ZEB1: variants seen among roughly 807,000 people sequenced by gnomAD.
ZEB1 encodes the protein zinc finger E-box-binding homeobox 1.
A neutral mutation model predicts 84.9 loss-of-function variants in ZEB1; 21 were observed. That is an observed-to-expected ratio of 0.25 (90% CI 0.18 to 0.36). The LOEUF (loss-of-function observed/expected upper bound fraction) is 0.36, where lower values mean the gene tolerates loss of function less well. ZEB1 is among the 10% of genes least tolerant of loss of function. The probability of loss-of-function intolerance (pLI) is 1.00; values close to 1 mark genes in which losing one functional copy is unlikely to be tolerated. For synonymous variants in ZEB1, 420 were observed against 471.1 expected (o/e 0.89, Z 1.41); for missense variants, 1,104 against 1,330.2 (o/e 0.83, Z 2.65).
At chr10:31,427,605 G>A (rs527451350) in intron 1 of ZEB1, among the ~76,000 whole-genome samples, 1 of 152,114 alleles carries the variant, frequency 6.6e-6, no homozygotes. Context: ...TGTAATCCCA[G>A]CACTTTGGGA....
At chr10:31,497,605 T>C (rs1417381668) in intron 3 of ZEB1, among the ~76,000 whole-genome samples, 1 of 152,184 alleles carries the variant, frequency 6.6e-6, no homozygotes, top group Non-Finnish European at 1.5e-5. Context: ...TAAAATGATG[T>C]CCTGCCTTTG....
At chr10:31,358,553 A>G (rs893326657) in intron 1 of ZEB1, 12 of 152,180 alleles carry the variant, frequency 7.9e-5, no homozygotes, top group African/African-American at 2.4e-4. Context: ...ATTACTTTTA[A>G]AAAGTATATT....
rs573220826 is a variant in ZEB1, at chr10:31,501,941, A to G, written c.323-407A>G. 3.3e-5 allele frequency among the ~76,000 whole-genome samples: 5 copies of G among 152,280 alleles called. No individual in the cohort carries two copies. In the South Asian group the frequency reaches 6.2e-4, roughly 19 times the overall value. Reference sequence around the variant, plus strand: ...TGAAGCCACAGATAAGGGGCTGTCTATTGTCCAACTTTAAATAAGTATTAT... The same window carrying G: ...TGAAGCCACAGATAAGGGGCTGTCTGTTGTCCAACTTTAAATAAGTATTAT... On this transcript the variant is annotated intron_variant, in intron 3 of 8. Coordinates refer to ENST00000424869, the MANE Select transcript of ZEB1 (RefSeq NM_001174096.2).
chr10:31,521,630 A>G lies in ZEB1; in HGVS notation c.2298A>G (p.Glu766=), dbSNP rs2072399572. 6.2e-7 allele frequency: 1 copy of G among 1,614,156 alleles called. No homozygotes were observed. Among genetic ancestry groups the G allele is most frequent in the Non-Finnish European group, 8.5e-7 (1 of 1,180,022 alleles). The change falls in exon 7 of 9, where the codon GAA becomes GAG. Residue 766 remains glutamate (E), a synonymous_variant. Transcript: ENST00000424869. ...AGAACAGTGTTTATTCTGTCCAGGA[A>G]GAACCCTTGAACTTGTCTTGCGCAA... ...VYQNSVYSVQ[E]EPLNLSCAKK...
chr10:31,444,112 G>C (rs962738313), intron 1 of ZEB1, among the ~76,000 whole-genome samples: 1 of 151,242 alleles, frequency 6.6e-6, no homozygotes. Context: ...ATTCTAACTG[G>C]TGTGAGATGG....
intron 1 of ZEB1, chr10:31,361,105 G>T: frequency 6.2e-7 from 1 of 1,611,962 alleles, no homozygotes; most frequent in Non-Finnish European, 8.5e-7. Flanking sequence ...AGAACGATCT[G>T]ATCTTACAGT....
intron 6 of ZEB1, among the ~76,000 whole-genome samples, chr10:31,516,482 C>T (rs1268260404): frequency 8.1e-6 from 1 of 123,038 alleles, no homozygotes; most frequent in Non-Finnish European, 1.6e-5. Flanking sequence ...ACAAATTAAG[C>T]TCTAAGGTTT....
chr10:31,331,728 A>C (rs1359331838), intron 1 of ZEB1, among the ~76,000 whole-genome samples: 1 of 152,216 alleles, frequency 6.6e-6, no homozygotes, highest in African/African-American at 2.4e-5. Flanking sequence ...ATAATATTCC[A>C]TACAGGGGGA....
At position 31,527,049 on chromosome 10, in the gene ZEB1, A is replaced by G; in HGVS notation, c.3163A>G (p.Lys1055Glu). The change falls in exon 9 of 9, where the codon AAA becomes GAA. Residue 1055 changes from lysine to glutamate, a missense_variant. Coordinates refer to ENST00000424869, the MANE Select transcript of ZEB1 (RefSeq NM_001174096.2). ...AGAGATGGAAGAATTGCAGGAAGAAAAAGAATGTGAAAAACCACAAGGGGA... is the reference window on the plus strand; with the variant it reads ...AGAGATGGAAGAATTGCAGGAAGAAGAAGAATGTGAAAAACCACAAGGGGA... ...DKEMEELQEE[K>E]ECEKPQGDEE... 6.3e-7 allele frequency: 1 copy of G among 1,584,534 alleles called. No homozygotes were observed. The highest frequency in any genetic ancestry group is 8.6e-7 in the Non-Finnish European group (1 of 1,163,558).
chr10:31,402,106 G>C (rs1418870057), intron 1 of ZEB1, among the ~76,000 whole-genome samples: 3 of 150,870 alleles, frequency 2.0e-5, no homozygotes, highest in Non-Finnish European at 4.4e-5. Context: ...TGTTGTTGTT[G>C]TTGCTGTTGT....
At chr10:31,349,394 A>G (rs1590175841) in intron 1 of ZEB1, among the ~76,000 whole-genome samples, 2 of 152,152 alleles carry the variant, frequency 1.3e-5, no homozygotes, top group East Asian at 3.8e-4. Flanking sequence ...GAGTACAGAT[A>G]CCTCATCAAC....
At chr10:31,428,240 C>T (rs1253757979) in intron 1 of ZEB1, among the ~76,000 whole-genome samples, 1 of 152,088 alleles carries the variant, frequency 6.6e-6, no homozygotes, top group Non-Finnish European at 1.5e-5. Context: ...TTAGCTGTGT[C>T]CCAGAGATTC....
chr10:31,366,356 G>A (rs1387615783), intron 1 of ZEB1, among the ~76,000 whole-genome samples: 1 of 152,092 alleles, frequency 6.6e-6, no homozygotes, highest in African/African-American at 2.4e-5. Context: ...GTCTTGCTGT[G>A]TCACGCAGGC....
chr10:31,410,060 T>C (rs1318421616), intron 1 of ZEB1, among the ~76,000 whole-genome samples: 1 of 152,200 alleles, frequency 6.6e-6, no homozygotes, highest in Non-Finnish European at 1.5e-5. Context: ...ATAGGAGTGG[T>C]GAGAGAGGGC....
At chr10:31,337,475 C>T (rs568218012) in intron 1 of ZEB1, among the ~76,000 whole-genome samples, 1 of 151,902 alleles carries the variant, frequency 6.6e-6, no homozygotes, top group Non-Finnish European at 1.5e-5. Context: ...TTTATGGCTA[C>T]TGATAATCAA....
chr10:31,485,229 T>G (rs187275876), intron 2 of ZEB1, among the ~76,000 whole-genome samples: 13 of 152,038 alleles, frequency 8.6e-5, no homozygotes, highest in Non-Finnish European at 1.5e-4. Context: ...ATTTGTATAT[T>G]TATAGAATCC....
intron 1 of ZEB1, among the ~76,000 whole-genome samples, chr10:31,451,713 G>T (rs966158268): frequency 6.6e-6 from 1 of 152,096 alleles, no homozygotes; most frequent in Non-Finnish European, 1.5e-5. Flanking sequence ...TCTGTGAGTT[G>T]TACGAACACT....
intron 1 of ZEB1, among the ~76,000 whole-genome samples, chr10:31,434,011 T>C (rs2058022725): frequency 1.3e-5 from 2 of 152,234 alleles, no homozygotes; most frequent in African/African-American, 4.8e-5. Flanking sequence ...CAATGTAATA[T>C]GCATGCCCTA....
chr10:31,338,447 C>T (rs1038517926), intron 1 of ZEB1, among the ~76,000 whole-genome samples: 3 of 152,142 alleles, frequency 2.0e-5, no homozygotes, highest in African/African-American at 4.8e-5. Flanking sequence ...CCTAGGCAGT[C>T]TGGTTCCACA....
Sources: allele counts gnomAD v4.1 joint callset (sites outside exome capture counted in the v4.1 genomes callset), GRCh38; gene constraint gnomAD v4.1.1; transcripts MANE v1.5; gene names NCBI Gene and HGNC (gene_info 2026-07-23, HGNC 2026-07-21).